The following SLAIN2 variants were observed in gnomAD, a reference collection of about 807,000 sequenced individuals.
SLAIN2 encodes SLAIN motif-containing protein 2.
SLAIN2 carries 31 observed loss-of-function variants against 56.6 expected under a neutral mutation model. That is an observed-to-expected ratio of 0.55 (90% CI 0.41 to 0.74). SLAIN2 has a LOEUF of 0.74. Ranked by LOEUF, SLAIN2 falls within the 30% of genes least tolerant of loss-of-function variation. The pLI, the probability that SLAIN2 is intolerant of heterozygous loss-of-function variation, is 0.00. For missense variants in SLAIN2, 777 were observed against 754.2 expected (o/e 1.03, Z -0.35); for synonymous variants, 317 against 284.9 (o/e 1.11, Z -1.13).
chr4:48,418,914 A>G (rs1040593628), intron 6 of SLAIN2, among the ~76,000 whole-genome samples: 3 of 152,074 alleles, frequency 2.0e-5, no homozygotes, highest in Admixed American at 6.5e-5. Context: ...ATTCAGCAAA[A>G]TTTTTGATAT....
At chr4:48,392,369 A>G (rs1158839491) in intron 6 of SLAIN2, among the ~76,000 whole-genome samples, 2 of 152,192 alleles carry the variant, frequency 1.3e-5, no homozygotes, top group Non-Finnish European at 2.9e-5. Context: ...GGTGGGGTCC[A>G]TTGGAGTCGC....
intron 6 of SLAIN2, among the ~76,000 whole-genome samples, chr4:48,409,723 A>C (rs930524833): frequency 3.9e-5 from 6 of 152,020 alleles, no homozygotes; most frequent in African/African-American, 1.5e-4. Context: ...GTCTCTACTA[A>C]AAGTACAAAA....
intron 1 of SLAIN2, among the ~76,000 whole-genome samples, chr4:48,363,936 C>A (rs1352332904): frequency 1.2e-5 from 1 of 85,794 alleles, no homozygotes; most frequent in Non-Finnish European, 3.3e-5. Flanking sequence ...GACCCCCCCA[C>A]CTCCCTCCCG....
chr4:48,393,258 C>T (rs895028843), intron 6 of SLAIN2, among the ~76,000 whole-genome samples: 3 of 152,104 alleles, frequency 2.0e-5, no homozygotes, highest in African/African-American at 4.8e-5. Context: ...CTTGCTTCAT[C>T]GACTATGCTG....
chr4:48,412,174 T>C (rs1716873506), intron 6 of SLAIN2, among the ~76,000 whole-genome samples: 1 of 152,190 alleles, frequency 6.6e-6, no homozygotes, highest in Non-Finnish European at 1.5e-5. Context: ...GTTATATAGG[T>C]ATAGATGTAC....
intron 6 of SLAIN2, among the ~76,000 whole-genome samples, chr4:48,418,580 A>G (rs924399682): frequency 3.3e-5 from 5 of 152,180 alleles, no homozygotes; most frequent in African/African-American, 1.2e-4. Context: ...TTTTACATCT[A>G]TATTTGTAAA....
At chr4:48,372,508 T>G (rs1461773886) in intron 2 of SLAIN2, among the ~76,000 whole-genome samples, 1 of 152,220 alleles carries the variant, frequency 6.6e-6, no homozygotes, top group Non-Finnish European at 1.5e-5. Flanking sequence ...GAAGGCTATA[T>G]TTTACCAACC....
At chr4:48,362,565 C>T (rs1277214777) in intron 1 of SLAIN2, among the ~76,000 whole-genome samples, 2 of 150,422 alleles carry the variant, frequency 1.3e-5, no homozygotes, top group Admixed American at 6.6e-5. Flanking sequence ...GCTACAGGCA[C>T]GTGCTACCAT....
intron 1 of SLAIN2, among the ~76,000 whole-genome samples, chr4:48,342,354 C>G (rs1714736067): frequency 6.6e-6 from 1 of 152,190 alleles, no homozygotes; most frequent in African/African-American, 2.4e-5. Flanking sequence ...GGATTGTGGA[C>G]CTTCTGAGTG....
intron 6 of SLAIN2, among the ~76,000 whole-genome samples, chr4:48,400,558 C>G (rs1716522808): frequency 6.6e-6 from 1 of 151,954 alleles, no homozygotes; most frequent in Non-Finnish European, 1.5e-5. Context: ...TGCCACCACG[C>G]CTAGCTAATT....
At chr4:48,421,863 C>G (rs772470511) in intron 7 of SLAIN2, 148 bp from the exon 8 acceptor site, 35 of 605,284 alleles carry the variant, frequency 5.8e-5, no homozygotes, top group Admixed American at 2.0e-4. Flanking sequence ...GGAGGTTGTA[C>G]TAGTACCTGT....
chr4:48,394,272 C>A (rs1716319360), intron 6 of SLAIN2, among the ~76,000 whole-genome samples: 1 of 152,062 alleles, frequency 6.6e-6, no homozygotes, highest in Non-Finnish European at 1.5e-5. Flanking sequence ...TTCTTTGTAT[C>A]CCTAGCATGT....
At chr4:48,378,176 G>A in intron 3 of SLAIN2, 116 bp downstream of exon 3, 6 of 1,233,742 alleles carry the variant, frequency 4.9e-6, no homozygotes, top group Non-Finnish European at 5.7e-6. Flanking sequence ...CTTTTAACTG[G>A]TTAAAGAAAA....
intron 6 of SLAIN2, among the ~76,000 whole-genome samples, chr4:48,405,076 A>G (rs1442661018): frequency 6.6e-6 from 1 of 152,260 alleles, no homozygotes; most frequent in East Asian, 1.9e-4. Context: ...ATAAATTTAT[A>G]ATGATTTCTG....
chr4:48,401,597 A>G (rs187492083), intron 6 of SLAIN2, among the ~76,000 whole-genome samples: 2 of 151,880 alleles, frequency 1.3e-5, no homozygotes, highest in East Asian at 3.9e-4. Flanking sequence ...TAGGATTGCA[A>G]CCCCTGCTTT....
intron 6 of SLAIN2, among the ~76,000 whole-genome samples, chr4:48,403,384 G>A (rs890645044): frequency 1.3e-5 from 2 of 152,032 alleles, no homozygotes; most frequent in Admixed American, 6.5e-5. Flanking sequence ...AGTTCTGTTC[G>A]TATAACCCTG....
chr4:48,357,147 A>G (rs944435098), intron 1 of SLAIN2, among the ~76,000 whole-genome samples: 4 of 151,290 alleles, frequency 2.6e-5, no homozygotes, highest in Admixed American at 6.6e-5. Flanking sequence ...ATAGTATTAT[A>G]TATCTTTTAG....
At chr4:48,347,618 A>G (rs1202801068) in intron 1 of SLAIN2, among the ~76,000 whole-genome samples, 2 of 152,236 alleles carry the variant, frequency 1.3e-5, no homozygotes, top group Non-Finnish European at 2.9e-5. Flanking sequence ...TTATTGTAAA[A>G]TATAACAAAA....
At chr4:48,365,084 T>C (rs892413404) in intron 1 of SLAIN2, among the ~76,000 whole-genome samples, 4 of 152,182 alleles carry the variant, frequency 2.6e-5, no homozygotes, top group Non-Finnish European at 5.9e-5. Context: ...CAGTAGTGTT[T>C]GTGGTGATGT....
Sources: allele counts gnomAD v4.1 joint callset (sites outside exome capture counted in the v4.1 genomes callset), GRCh38; gene constraint gnomAD v4.1.1; transcripts MANE v1.5; gene names NCBI Gene and HGNC (gene_info 2026-07-23, HGNC 2026-07-21).